Variants in FOXP1 observed in about 807,000 individuals in gnomAD.
FOXP1 encodes forkhead box protein P1.
A neutral mutation model predicts 98.2 loss-of-function variants in FOXP1; 15 were observed. The observed-to-expected ratio is 0.15, with a 90% CI of 0.10 to 0.24. The LOEUF (loss-of-function observed/expected upper bound fraction) is 0.24. Among genes scored for constraint, FOXP1 ranks in the 10% least tolerant of loss-of-function variants. The probability of loss-of-function intolerance (pLI) is 1.00; values close to 1 mark genes in which losing one functional copy is unlikely to be tolerated. For missense variants in FOXP1, 633 were observed against 848.5 expected (o/e 0.75, Z 3.15); for synonymous variants, 371 against 314.5 (o/e 1.18, Z -1.90).
rs189717390 is a variant in FOXP1 at position 71,341,561 on chromosome 3, G to T, written c.-73+17589C>A. ...AGGCGGGTGGATCACCTGAGGTCAGGAGTTCGACCAGCCTGTAATCCCAGC... is the reference window on the plus strand; with the variant it reads ...AGGCGGGTGGATCACCTGAGGTCAGTAGTTCGACCAGCCTGTAATCCCAGC... On this transcript the variant is annotated intron_variant, in intron 4 of 20. Transcript: ENST00000649528. Among the ~76,000 whole-genome samples, 1,053 of 152,136 alleles carry T rather than the reference G, an allele frequency of 6.9e-3. 29 individuals carry two copies. Among genetic ancestry groups the T allele is most frequent in the Non-Finnish European group, 4.1e-3 (279 of 67,964 alleles).
chr3:71,271,789 C>A (rs187675600), intron 5 of FOXP1, among the ~76,000 whole-genome samples: 37 of 152,286 alleles, frequency 2.4e-4, no homozygotes, highest in African/African-American at 8.2e-4. Flanking sequence ...AAAAACCTTA[C>A]AGGGAGAAAC....
chr3:71,413,259 GACACACACACACACAC>G (rs528319234), intron 3 of FOXP1, among the ~76,000 whole-genome samples: 2 of 64,414 alleles, frequency 3.1e-5, no homozygotes, highest in African/African-American at 1.1e-4. Context: ...CCCCCAAATA[GACACACACACACACAC>G]ACACACACAC....
At chr3:71,348,552 TGC>T (rs145319578) in intron 4 of FOXP1, among the ~76,000 whole-genome samples, 13 of 141,712 alleles carry the variant, frequency 9.2e-5, no homozygotes, top group South Asian at 8.8e-4. Context: ...TGTGTGTGCG[TGC>T]GCGCGCGCAC....
Position 71,198,885 on chromosome 3 carries a change from G to T in FOXP1, c.-11-493C>A, listed in dbSNP as rs567756418. 2.0e-5 allele frequency among the ~76,000 whole-genome samples: 3 copies of T among 151,758 alleles called. No homozygotes were observed. In the East Asian group the frequency reaches 5.8e-4, roughly 30 times the overall value. ...TTTTTGTGTATTTTTAGTAAAGAAA[G>T]GGGTGTTTCACCATGTTGGTTAGGC... On this transcript the variant is annotated intron_variant, in intron 5 of 20. Transcript: ENST00000649528.
At chr3:71,364,623 G>C (rs1212117893) in intron 3 of FOXP1, among the ~76,000 whole-genome samples, 1 of 152,054 alleles carries the variant, frequency 6.6e-6, no homozygotes, top group East Asian at 1.9e-4. Context: ...TATTATAAAA[G>C]AAAAAATCCT....
intron 3 of FOXP1, among the ~76,000 whole-genome samples, chr3:71,468,121 G>GTT (rs3830445): frequency 1.2e-4 from 18 of 146,626 alleles, no homozygotes; most frequent in Admixed American, 1.1e-3. Flanking sequence ...GAGAAGCAAT[G>GTT]TTTTTTTTTT....
chr3:71,247,110 T>C (rs1451162778), intron 5 of FOXP1, among the ~76,000 whole-genome samples: 9 of 149,996 alleles, frequency 6.0e-5, no homozygotes, highest in East Asian at 5.9e-4. Context: ...AAAAAAAAAA[T>C]CCATCCAATA....
intron 11 of FOXP1, among the ~76,000 whole-genome samples, chr3:71,030,457 C>G (rs947589088): frequency 3.3e-5 from 5 of 152,310 alleles, no homozygotes; most frequent in African/African-American, 1.2e-4. Flanking sequence ...ATACTTACTC[C>G]CTTTCCTACT....
At chr3:71,111,631 T>A (rs1308879953) in intron 7 of FOXP1, among the ~76,000 whole-genome samples, 1 of 152,142 alleles carries the variant, frequency 6.6e-6, no homozygotes, top group Non-Finnish European at 1.5e-5. Context: ...ACTCCTGACC[T>A]CAAGTGATCC....
intron 7 of FOXP1, among the ~76,000 whole-genome samples, chr3:71,073,234 C>T (rs1001520876): frequency 2.6e-5 from 4 of 152,192 alleles, no homozygotes; most frequent in African/African-American, 7.2e-5. Context: ...AATCAGGGCG[C>T]GCTGTGGTTA....
Position 70,973,815 on chromosome 3 carries a change from G to A in FOXP1, c.1531-1139C>T, listed in dbSNP as rs998500885. The stretch of plus-strand genomic sequence containing the variant: ...ACTCAATTCCAGCAACACTGCTATT[G>A]CACAAGCGTTTTGCACACCGCCCCC... On this transcript the variant is annotated intron_variant, in intron 17 of 20. Coordinates refer to ENST00000649528, the MANE Select transcript of FOXP1 (RefSeq NM_001349338.3). 2.1e-5 allele frequency among the ~76,000 whole-genome samples: 3 copies of A among 142,702 alleles called. 1 individual carries two copies. 93.6% of individuals were successfully genotyped at this position (142,702 alleles called of 152,430 possible).
intron 6 of FOXP1, among the ~76,000 whole-genome samples, chr3:71,128,534 G>A (rs1388144194): frequency 6.6e-6 from 1 of 152,108 alleles, no homozygotes; most frequent in East Asian, 1.9e-4. Flanking sequence ...CAAAATGTTG[G>A]CCTCTGATAA....
intron 5 of FOXP1, among the ~76,000 whole-genome samples, chr3:71,246,281 G>T (rs1284359209): frequency 6.6e-6 from 1 of 152,200 alleles, no homozygotes; most frequent in Non-Finnish European, 1.5e-5. Flanking sequence ...GGAGGACAGG[G>T]ACAGTGATGC....
chr3:71,147,072 AGCATCTGT>A (rs373737989), intron 6 of FOXP1, among the ~76,000 whole-genome samples: 150 of 152,360 alleles, frequency 9.8e-4, no homozygotes, highest in African/African-American at 3.5e-3. Context: ...CGTTTCAGCC[AGCATCTGT>A]GCCCTACCTC....
At chr3:71,413,009 C>T (rs764866121) in intron 3 of FOXP1, among the ~76,000 whole-genome samples, 13 of 152,058 alleles carry the variant, frequency 8.5e-5, no homozygotes, top group Non-Finnish European at 1.5e-4. Context: ...ACAGGAATGA[C>T]TGCCCAAATT....
At chr3:70,983,055 A>G (rs553088405) in intron 14 of FOXP1, among the ~76,000 whole-genome samples, 150 of 152,312 alleles carry the variant, frequency 9.8e-4, no homozygotes, top group African/African-American at 3.6e-3. Flanking sequence ...TGAATCACTG[A>G]GTTCAGAGAC....
At chr3:70,976,198 A>G (rs942112905) in intron 17 of FOXP1, among the ~76,000 whole-genome samples, 1 of 151,820 alleles carries the variant, frequency 6.6e-6, no homozygotes. Flanking sequence ...CCACAGGTGC[A>G]TGCCACCATG....
At chr3:71,096,984 T>C (rs2056519566) in intron 7 of FOXP1, among the ~76,000 whole-genome samples, 1 of 151,934 alleles carries the variant, frequency 6.6e-6, no homozygotes, top group Non-Finnish European at 1.5e-5. Flanking sequence ...TCTGCGCAAA[T>C]GAAAAAAATG....
intron 12 of FOXP1, among the ~76,000 whole-genome samples, chr3:71,005,057 A>C (rs1199892819): frequency 6.6e-6 from 1 of 152,078 alleles, no homozygotes; most frequent in Non-Finnish European, 1.5e-5. Flanking sequence ...CAAATATAAA[A>C]TCTTGCTAAA....
Sources: allele counts gnomAD v4.1 joint callset (sites outside exome capture counted in the v4.1 genomes callset), GRCh38; gene constraint gnomAD v4.1.1; transcripts MANE v1.5; gene names NCBI Gene and HGNC (gene_info 2026-07-23, HGNC 2026-07-21).